RALYL: variants seen among roughly 807,000 people sequenced by gnomAD.
RALYL encodes the protein RALY RNA binding protein like.
In RALYL, 29 loss-of-function variants were observed where a neutral mutation model predicts 35.1. The observed-to-expected ratio is 0.83, with a 90% CI of 0.61 to 1.13. RALYL has a LOEUF of 1.13. RALYL is among the 50% of genes most tolerant of loss of function. The probability of loss-of-function intolerance (pLI) is 0.00; values close to 1 mark genes in which losing one functional copy is unlikely to be tolerated. For synonymous variants in RALYL, 120 were observed against 127.6 expected, an observed-to-expected ratio of 0.94 and a Z score of 0.40; for missense variants, 359 against 360.4, an observed-to-expected ratio of 1.00 and a Z score of 0.03.
intron 1 of RALYL, among the ~76,000 whole-genome samples, chr8:84,396,591 A>G (rs1034868358): frequency 2.0e-5 from 3 of 152,250 alleles, no homozygotes; most frequent in South Asian, 4.1e-4. Context: ...AAGATAATAC[A>G]TTATTGTTAA....
chr8:84,327,492 T>G (rs1846018979), intron 1 of RALYL, among the ~76,000 whole-genome samples: 1 of 152,180 alleles, frequency 6.6e-6, no homozygotes, highest in South Asian at 2.1e-4. Flanking sequence ...TCTTGCAACC[T>G]AGGGTCCATA....
At chr8:84,594,621 A>G (rs1054278543) in intron 2 of RALYL, among the ~76,000 whole-genome samples, 1 of 152,034 alleles carries the variant, frequency 6.6e-6, no homozygotes, top group Non-Finnish European at 1.5e-5. Context: ...AAATGTTTAT[A>G]TTATAGTATA....
intron 2 of RALYL, among the ~76,000 whole-genome samples, chr8:84,711,447 T>C (rs1404492957): frequency 6.6e-6 from 1 of 152,164 alleles, no homozygotes; most frequent in Non-Finnish European, 1.5e-5. Flanking sequence ...ATTTTGGTCA[T>C]CCAGAAGTCC....
chr8:84,630,774 C>A (rs1823749511), intron 2 of RALYL, among the ~76,000 whole-genome samples: 1 of 151,996 alleles, frequency 6.6e-6, no homozygotes, highest in Non-Finnish European at 1.5e-5. Context: ...ACTCCATAAA[C>A]ATCTGTGAAG....
intron 2 of RALYL, among the ~76,000 whole-genome samples, chr8:84,653,654 T>TC (rs1453283316): frequency 6.6e-6 from 1 of 151,688 alleles, no homozygotes; most frequent in East Asian, 2.0e-4. Flanking sequence ...TTACCACACA[T>TC]CTTACTTTTC....
intron 4 of RALYL, among the ~76,000 whole-genome samples, chr8:84,824,222 G>C (rs1173587035): frequency 6.7e-6 from 1 of 150,004 alleles, no homozygotes; most frequent in Non-Finnish European, 1.5e-5. Flanking sequence ...TGTTCAATTT[G>C]AGAACCAAAT....
Position 84,428,106 on chromosome 8 carries a change from T to TCTCACA in RALYL, c.-23-101192_-23-101191insTCACAC, listed in dbSNP as rs1182382963. ...CTCTCTCTCTCTCTCTCTCTCTCTC[T>TCTCACA]CACACACACACACACACACACACAC... On this transcript the variant is annotated intron_variant, in intron 1 of 8. Transcript: ENST00000521268. 3.8e-3 allele frequency among the ~76,000 whole-genome samples: 481 copies of TCTCACA among 127,316 alleles called. 3 individuals carry two copies. Among genetic ancestry groups the TCTCACA allele is most frequent in the African/African-American group, 0.011 (348 of 32,656 alleles). 83.5% of individuals were successfully genotyped at this position (127,316 alleles called of 152,430 possible). A position where few individuals can be genotyped will look rare whatever the true frequency, so the allele number is the denominator to read the frequency against.
At chr8:84,407,856 C>A (rs188549868) in intron 1 of RALYL, among the ~76,000 whole-genome samples, 1 of 152,018 alleles carries the variant, frequency 6.6e-6, no homozygotes, top group East Asian at 1.9e-4. Context: ...TTCATAGCAA[C>A]CCTATTAATT....
chr8:84,386,490 C>A (rs1308206074), intron 1 of RALYL, among the ~76,000 whole-genome samples: 1 of 151,650 alleles, frequency 6.6e-6, no homozygotes, highest in Non-Finnish European at 1.5e-5. Flanking sequence ...AATAGAAGAC[C>A]CATGACCACT....
At chr8:84,266,891 C>T (rs1289629974) in intron 1 of RALYL, among the ~76,000 whole-genome samples, 1 of 142,518 alleles carries the variant, frequency 7.0e-6, no homozygotes, top group East Asian at 2.1e-4. Flanking sequence ...ACCCGGGAGG[C>T]GGAGCTTGCA....
At chr8:84,594,399 T>G (rs972196543) in intron 2 of RALYL, among the ~76,000 whole-genome samples, 5 of 152,044 alleles carry the variant, frequency 3.3e-5, no homozygotes, top group Non-Finnish European at 5.9e-5. Context: ...CTTTCTTTTT[T>G]GATCCAAAGT....
At position 84,618,337 on chromosome 8, in the gene RALYL, G is replaced by C. The variant is rs1257571416; in HGVS notation, c.256+88760G>C. 5.3e-5 allele frequency among the ~76,000 whole-genome samples: 8 copies of C among 151,594 alleles called. No individual in the cohort carries two copies. In the South Asian group the frequency reaches 8.3e-4, roughly 16 times the overall value. On this transcript the variant is annotated intron_variant, in intron 2 of 8. Coordinates refer to ENST00000521268, the MANE Select transcript of RALYL (RefSeq NM_173848.7). ...TTAGTCTTGGGAGGGTGTATGTGTC[G>C]AGGAATTTATCCATTTCTTCTAGAT... is the stretch of plus-strand genomic sequence containing the variant.
chr8:84,206,881 C>CA (rs1383418391), intron 1 of RALYL, among the ~76,000 whole-genome samples: 3 of 151,974 alleles, frequency 2.0e-5, no homozygotes, highest in Non-Finnish European at 4.4e-5. Flanking sequence ...AGACATTTCT[C>CA]AAAAGAAGAA....
intron 2 of RALYL, among the ~76,000 whole-genome samples, chr8:84,592,575 A>G (rs941845596): frequency 8.5e-5 from 13 of 152,150 alleles, no homozygotes; most frequent in Admixed American, 3.3e-4. Context: ...CACTATTTAT[A>G]AAGCACTTAA....
chr8:84,572,023 A>G (rs1468846343), intron 2 of RALYL, among the ~76,000 whole-genome samples: 2 of 151,814 alleles, frequency 1.3e-5, no homozygotes, highest in Non-Finnish European at 2.9e-5. Context: ...ATGGCCAAGC[A>G]TATGGTAAAT....
At chr8:84,589,720 C>G (rs1812801080) in intron 2 of RALYL, among the ~76,000 whole-genome samples, 1 of 152,054 alleles carries the variant, frequency 6.6e-6, no homozygotes, top group Admixed American at 6.6e-5. Flanking sequence ...AGGGCAAATG[C>G]CAACCTAAAT....
At chr8:84,321,814 A>G (rs1270772044) in intron 1 of RALYL, among the ~76,000 whole-genome samples, 1 of 152,142 alleles carries the variant, frequency 6.6e-6, no homozygotes, top group Non-Finnish European at 1.5e-5. Context: ...GCTTTAAGAC[A>G]GACTTAAAGT....
At chr8:84,202,367 AT>A (rs1187950600) in intron 1 of RALYL, among the ~76,000 whole-genome samples, 11,672 of 113,312 alleles carry the variant, frequency 0.1, 307 homozygotes, top group East Asian at 0.16. Context: ...TATTGAAGGG[AT>A]TTTTTTTTTT....
chr8:84,908,306 C>G (rs1211055380), intron 8 of RALYL, among the ~76,000 whole-genome samples: 1 of 152,074 alleles, frequency 6.6e-6, no homozygotes, highest in East Asian at 1.9e-4. Flanking sequence ...TCTCAAAAAA[C>G]TTACTCCTCC....
Sources: allele counts gnomAD v4.1 joint callset (sites outside exome capture counted in the v4.1 genomes callset), GRCh38; gene constraint gnomAD v4.1.1; transcripts MANE v1.5; gene names NCBI Gene and HGNC (gene_info 2026-07-23, HGNC 2026-07-21).